The following PPA2 variants were observed in gnomAD, a reference collection of about 807,000 sequenced individuals.
The protein encoded by PPA2 is inorganic pyrophosphatase 2.
A neutral mutation model predicts 49.5 loss-of-function variants in PPA2; 48 were observed. The ratio of observed to expected loss-of-function variants is 0.97; its 90% CI spans 0.77 to 1.23. The LOEUF is 1.23. Among genes scored for constraint, PPA2 ranks in the 50% most tolerant of loss-of-function variants. PPA2 has a pLI of 0.00. For synonymous variants in PPA2, 131 were observed against 139.9 expected (o/e 0.94, Z 0.45); for missense variants, 429 against 410.1 (o/e 1.05, Z -0.40).
intron 10 of PPA2, among the ~76,000 whole-genome samples, chr4:105,378,323 C>A (rs1733340143): frequency 6.6e-6 from 1 of 151,960 alleles, no homozygotes; most frequent in Non-Finnish European, 1.5e-5. Context: ...GTTTCTTTGC[C>A]TTCTTTATAG....
intron 1 of PPA2, among the ~76,000 whole-genome samples, chr4:105,462,782 T>C (rs997839136): frequency 1.3e-5 from 2 of 152,176 alleles, no homozygotes; most frequent in Non-Finnish European, 1.5e-5. Context: ...GCTGTTCTCA[T>C]GATAGTAAGT....
At chr4:105,394,597 A>G (rs1734060070) in intron 9 of PPA2, among the ~76,000 whole-genome samples, 5 of 152,188 alleles carry the variant, frequency 3.3e-5, no homozygotes, top group Admixed American at 3.3e-4. Context: ...GAGTTAATAA[A>G]TGTTAACTCT....
chr4:105,386,663 T>C, intron 9 of PPA2, 27 bp from the exon 10 acceptor site: 1 of 1,594,280 alleles, frequency 6.3e-7, no homozygotes, highest in African/African-American at 1.3e-5. Flanking sequence ...AATGTTATTA[T>C]TAAACAGGAT....
intron 2 of PPA2, chr4:105,456,198 C>T (rs543025507): frequency 7.6e-5 from 36 of 476,646 alleles, no homozygotes; most frequent in African/African-American, 7.0e-4. Context: ...GGTTAAAGAG[C>T]ATAAGCTTTG....
rs144782674 is a variant in PPA2, at chr4:105,414,958, G to A, written c.655+9238C>T. Among the ~76,000 whole-genome samples, 6 of 152,240 alleles carry A rather than the reference G, an allele frequency of 3.9e-5. No individual in the cohort carries two copies. The East Asian group carries it at 1.2e-3, about 30-fold the overall frequency. ...TCCCATTGAGCCTGAGGCCCACTGA[G>A]ACTACAGCCCTCAGCAGAGAGGACA... On this transcript the variant is annotated intron_variant, in intron 7 of 11. Transcript: ENST00000341695.
At chr4:105,393,509 TAATAA>T (rs1734010975) in intron 9 of PPA2, among the ~76,000 whole-genome samples, 3 of 145,970 alleles carry the variant, frequency 2.1e-5, no homozygotes, top group South Asian at 4.3e-4. Flanking sequence ...ATAATAATAA[TAATAA>T]TAATAATAAT....
intron 6 of PPA2, among the ~76,000 whole-genome samples, chr4:105,429,541 TA>T (rs1330560143): frequency 6.6e-6 from 1 of 152,218 alleles, no homozygotes; most frequent in African/African-American, 2.4e-5. Context: ...ATTATGTAAG[TA>T]AAAGCAATCC....
At chr4:105,408,218 T>C (rs1032162515) in intron 7 of PPA2, among the ~76,000 whole-genome samples, 7 of 152,128 alleles carry the variant, frequency 4.6e-5, no homozygotes, top group African/African-American at 1.7e-4. Context: ...TGAGAGATGA[T>C]ATTTAAACTG....
intron 1 of PPA2, among the ~76,000 whole-genome samples, chr4:105,472,434 T>G (rs967243011): frequency 2.6e-5 from 4 of 152,252 alleles, no homozygotes; most frequent in Admixed American, 6.5e-5. Context: ...TATTTATTAT[T>G]TGGGTATCTA....
At chr4:105,402,397 C>G (rs1280693668) in intron 7 of PPA2, among the ~76,000 whole-genome samples, 1 of 152,162 alleles carries the variant, frequency 6.6e-6, no homozygotes, top group East Asian at 1.9e-4. Flanking sequence ...CAGGGATATC[C>G]TCTGGTGAAA....
chr4:105,424,248 AT>A lies in PPA2; in HGVS notation c.602del (p.Asp201ValfsTer4). On this transcript the variant is annotated frameshift_variant, in exon 7 of 12. Transcript: ENST00000341695. LOFTEE classifies it high-confidence loss of function. ...TCGCATTGATAGCAATTAATTTCCA[AT>A]CTGTTTCACCTTCATCAATAAGAGC... ...ILALIDEGET[D>X]WKLIAINAND... 6.2e-7 allele frequency: 1 copy of A among 1,610,612 alleles called. No homozygotes were observed. Among genetic ancestry groups the A allele is most frequent in the East Asian group, 2.2e-5 (1 of 44,704 alleles).
At chr4:105,410,432 G>A (rs1016859170) in intron 7 of PPA2, among the ~76,000 whole-genome samples, 3 of 152,182 alleles carry the variant, frequency 2.0e-5, no homozygotes, top group Non-Finnish European at 2.9e-5. Flanking sequence ...CCAAATCTAC[G>A]TTTGATTAGT....
Position 105,473,874 on chromosome 4 carries a change from A to G in PPA2, c.157+20T>C, listed in dbSNP as rs781756089. ...GGTTTCTCCGGTGCGCCGCTCGGCG[A>G]ACCTCCGGGAGCTACTTACTAAAGA... On this transcript the variant is annotated intron_variant, in intron 1 of 11. Coordinates refer to ENST00000341695, the MANE Select transcript of PPA2 (RefSeq NM_176869.3). 148 of 1,579,144 alleles carry G rather than the reference A, an allele frequency of 9.4e-5. No individual in the cohort carries two copies. Among genetic ancestry groups the G allele is most frequent in the Non-Finnish European group, 1.3e-4 (146 of 1,160,482 alleles).
rs1329752710 is a variant in PPA2 at position 105,472,444 on chromosome 4, A to G, written c.157+1450T>C. Among the ~76,000 whole-genome samples, 3 of 152,228 alleles carry G rather than the reference A, an allele frequency of 2.0e-5. No individual in the cohort carries two copies. The East Asian group carries it at 5.8e-4, about 29-fold the overall frequency. Reference sequence around the variant, plus strand: ...ATAAATATTTATTATTTGGGTATCTATTAATTACCGTACTTATTGCAAATC... The same window carrying G: ...ATAAATATTTATTATTTGGGTATCTGTTAATTACCGTACTTATTGCAAATC... On this transcript the variant is annotated intron_variant, in intron 1 of 11. Transcript: ENST00000341695.
chr4:105,471,361 A>T lies in PPA2; in HGVS notation c.157+2533T>A, dbSNP rs181101326. ...ACTCTTTCTACAAAGTTTAACACCA[A>T]TTTTTTTTTAAGTATTACATCAATC... On this transcript the variant is annotated intron_variant, in intron 1 of 11. Transcript: ENST00000341695. Among the ~76,000 whole-genome samples, 409 of 151,648 alleles carry T rather than the reference A, an allele frequency of 2.7e-3. 2 individuals are homozygous for T. Among genetic ancestry groups the T allele is most frequent in the Admixed American group, 6.8e-3 (104 of 15,208 alleles).
intron 10 of PPA2, among the ~76,000 whole-genome samples, chr4:105,382,637 T>C (rs1733532578): frequency 6.6e-6 from 1 of 152,090 alleles, no homozygotes; most frequent in Non-Finnish European, 1.5e-5. Flanking sequence ...TCTCAAGTAT[T>C]GGGGAAGAAT....
At position 105,431,304 on chromosome 4, in the gene PPA2, T is replaced by C. The variant is rs373875985; in HGVS notation, c.528+6646A>G. Among the ~76,000 whole-genome samples, 6 of 152,326 alleles carry C rather than the reference T, an allele frequency of 3.9e-5. No homozygotes were observed. The East Asian group carries it at 9.6e-4, about 24-fold the overall frequency. ...TCACATTTATGGCTAAAACTATTTT[T>C]TTAAATGCATTATTTTATTGGATAA... On this transcript the variant is annotated intron_variant, in intron 6 of 11. Coordinates refer to ENST00000341695, the MANE Select transcript of PPA2 (RefSeq NM_176869.3).
chr4:105,459,837 A>T (rs192621022), intron 1 of PPA2, among the ~76,000 whole-genome samples: 4 of 152,218 alleles, frequency 2.6e-5, no homozygotes, highest in Admixed American at 1.3e-4. Context: ...TTTACATAAC[A>T]TACTGGAAAA....
chr4:105,380,257 C>T (rs1013199754), intron 10 of PPA2, among the ~76,000 whole-genome samples: 1 of 151,906 alleles, frequency 6.6e-6, no homozygotes, highest in African/African-American at 2.4e-5. Flanking sequence ...CTGTCAATTT[C>T]ATGCAAGCTG....
Sources: gnomAD v4.1 joint callset for allele counts (sites outside exome capture counted in the v4.1 genomes callset) on GRCh38, gnomAD v4.1.1 for gene constraint, MANE v1.5 for transcripts, NCBI Gene and HGNC (gene_info 2026-07-23, HGNC 2026-07-21) for gene names.